The following IQSEC1 variants were observed in gnomAD, a reference collection of about 807,000 sequenced individuals.
IQSEC1 encodes the protein IQ motif and SEC7 domain-containing protein 1.
IQSEC1 carries 31 observed loss-of-function variants against 91.0 expected under a neutral mutation model. That is an observed-to-expected ratio of 0.34 (90% CI 0.26 to 0.46). The LOEUF (loss-of-function observed/expected upper bound fraction) is 0.46, where lower values mean the gene tolerates loss of function less well. IQSEC1 is among the 20% of genes least tolerant of loss of function. The probability of loss-of-function intolerance (pLI) is 1.00; values close to 1 mark genes in which losing one functional copy is unlikely to be tolerated. For synonymous variants in IQSEC1, 699 were observed against 662.6 expected, an observed-to-expected ratio of 1.05 and a Z score of -0.84; for missense variants, 1,388 against 1,575.6, an observed-to-expected ratio of 0.88 and a Z score of 2.02.
intron 2 of IQSEC1, among the ~76,000 whole-genome samples, chr3:13,142,227 T>C (rs1576269186): frequency 6.6e-6 from 1 of 151,962 alleles, no homozygotes; most frequent in South Asian, 2.1e-4. Flanking sequence ...GCTGCGGGAG[T>C]GCATTTACCC....
Position 12,936,599 on chromosome 3 carries a change from G to A in IQSEC1, c.417C>T (p.Asn139=). 1 of 1,613,192 alleles carries A rather than the reference G, an allele frequency of 6.2e-7. No individual in the cohort carries two copies. The highest frequency in any genetic ancestry group is 8.5e-7 in the Non-Finnish European group (1 of 1,180,006). The change falls in exon 3 of 14, where the codon AAC becomes AAT. Residue 139 remains asparagine (N), a synonymous_variant. Transcript: ENST00000613206. Reference sequence around the variant, plus strand: ...ACATGGAGCTGCGCAAGCGCTCGAAGTTCTTGTTCATCTGGTACTGGCGAA... The same window carrying A: ...ACATGGAGCTGCGCAAGCGCTCGAAATTCTTGTTCATCTGGTACTGGCGAA... ...TAFRQYQMNK[N]FERLRSSMSE... is the part of the protein sequence containing the mutation.
At chr3:12,920,652 T>G in intron 5 of IQSEC1, 56 bp from the exon 6 acceptor site, 1 of 1,559,868 alleles carries the variant, frequency 6.4e-7, no homozygotes, top group Non-Finnish European at 8.8e-7. Context: ...ACACGGCCCC[T>G]CTCTCACCCG....
At chr3:13,266,562 G>A (rs532741931) in intron 1 of IQSEC1, among the ~76,000 whole-genome samples, 264 of 151,712 alleles carry the variant, frequency 1.7e-3, no homozygotes, top group Non-Finnish European at 3.0e-3. Context: ...CAGCAGCTCC[G>A]ATGATGGGGA....
At chr3:13,190,439 C>A (rs1694002654) in intron 1 of IQSEC1, among the ~76,000 whole-genome samples, 1 of 152,012 alleles carries the variant, frequency 6.6e-6, no homozygotes, top group South Asian at 2.1e-4. Flanking sequence ...AGGCATGGTC[C>A]CAGCTACTCG....
intron 2 of IQSEC1, among the ~76,000 whole-genome samples, chr3:13,086,917 C>A (rs1705745909): frequency 6.6e-6 from 1 of 152,192 alleles, no homozygotes; most frequent in Non-Finnish European, 1.5e-5. Flanking sequence ...GCAGGGTCAC[C>A]CCCTGTCTTG....
intron 2 of IQSEC1, among the ~76,000 whole-genome samples, chr3:13,141,691 C>T (rs1367509940): frequency 1.3e-5 from 2 of 152,194 alleles, no homozygotes; most frequent in East Asian, 3.8e-4. Context: ...CTCAGAGGGA[C>T]CCCTCCCCTC....
chr3:12,916,405 G>T (rs981444379), intron 6 of IQSEC1, among the ~76,000 whole-genome samples: 3 of 152,200 alleles, frequency 2.0e-5, no homozygotes, highest in African/African-American at 7.2e-5. Context: ...AGCACACACT[G>T]CTTCTTTCTT....
chr3:13,022,095 C>T (rs1447463001), intron 1 of IQSEC1: 1 of 1,231,888 alleles, frequency 8.1e-7, no homozygotes, highest in East Asian at 3.2e-5. Context: ...TGCCATACCC[C>T]TTCATGCCTG....
chr3:13,244,266 T>C (rs1290169852), intron 1 of IQSEC1, among the ~76,000 whole-genome samples: 1 of 152,204 alleles, frequency 6.6e-6, no homozygotes, highest in Non-Finnish European at 1.5e-5. Context: ...GATCTCAGCT[T>C]ACTGCAACCT....
intron 1 of IQSEC1, among the ~76,000 whole-genome samples, chr3:12,945,357 G>A (rs989474913): frequency 6.6e-6 from 1 of 151,976 alleles, no homozygotes; most frequent in Non-Finnish European, 1.5e-5. Context: ...TCTCCAGGAA[G>A]GGAAGGCCTG....
intron 1 of IQSEC1, among the ~76,000 whole-genome samples, chr3:13,206,083 G>C (rs142249482): frequency 1.5e-5 from 2 of 129,892 alleles, no homozygotes; most frequent in African/African-American, 3.0e-5. Flanking sequence ...CTCTCCATCC[G>C]GTCAACCATT....
At chr3:12,938,739 C>G (rs1241310094) in intron 2 of IQSEC1, among the ~76,000 whole-genome samples, 5 of 152,000 alleles carry the variant, frequency 3.3e-5, no homozygotes, top group African/African-American at 1.2e-4. Context: ...AGGCCTAGAG[C>G]TCCCCGCAGG....
intron 1 of IQSEC1, among the ~76,000 whole-genome samples, chr3:13,189,997 C>G (rs1693994507): frequency 6.6e-6 from 1 of 152,212 alleles, no homozygotes; most frequent in African/African-American, 2.4e-5. Context: ...TCTGAAGCTG[C>G]CCAAGCAGCT....
chr3:13,111,162 C>T (rs965092404), intron 2 of IQSEC1, among the ~76,000 whole-genome samples: 6 of 152,232 alleles, frequency 3.9e-5, no homozygotes, highest in African/African-American at 1.4e-4. Context: ...ACAGCTGAGT[C>T]TGGGAGGAGA....
At chr3:13,092,534 C>A (rs1705880929) in intron 2 of IQSEC1, among the ~76,000 whole-genome samples, 1 of 152,102 alleles carries the variant, frequency 6.6e-6, no homozygotes, top group African/African-American at 2.4e-5. Context: ...CAAGAAGACA[C>A]AACACAGAGA....
At chr3:12,933,845 A>G (rs1214931193) in intron 3 of IQSEC1, among the ~76,000 whole-genome samples, 1 of 152,256 alleles carries the variant, frequency 6.6e-6, no homozygotes, top group Non-Finnish European at 1.5e-5. Context: ...TGAAGAATGT[A>G]TTCACGTGCT....
intron 1 of IQSEC1, among the ~76,000 whole-genome samples, chr3:13,257,246 G>A (rs559743103): frequency 1.3e-5 from 2 of 152,266 alleles, no homozygotes; most frequent in Admixed American, 1.3e-4. Context: ...ATTCTCACGG[G>A]CATGATTTCA....
At chr3:12,916,245 C>A (rs959952803) in intron 6 of IQSEC1, among the ~76,000 whole-genome samples, 4 of 152,194 alleles carry the variant, frequency 2.6e-5, no homozygotes, top group African/African-American at 9.7e-5. Context: ...GCCCACAGCA[C>A]AGGCTTGTTG....
intron 2 of IQSEC1, among the ~76,000 whole-genome samples, chr3:13,130,926 A>AC (rs1706602507): frequency 6.6e-6 from 1 of 150,996 alleles, no homozygotes; most frequent in South Asian, 2.1e-4. Context: ...ATGTGTCAAA[A>AC]AAAAAAAAGA....
Sources: gnomAD v4.1 joint callset for allele counts (sites outside exome capture counted in the v4.1 genomes callset) on GRCh38, gnomAD v4.1.1 for gene constraint, MANE v1.5 for transcripts, NCBI Gene and HGNC (gene_info 2026-07-23, HGNC 2026-07-21) for gene names.